Variants in CNTN5 observed in about 807,000 individuals in gnomAD.
The protein encoded by CNTN5 is contactin-5.
CNTN5 carries 77 observed loss-of-function variants against 129.1 expected under a neutral mutation model. That is an observed-to-expected ratio of 0.60 (90% confidence interval 0.50 to 0.72). The LOEUF (loss-of-function observed/expected upper bound fraction) is 0.72. Among genes scored for constraint, CNTN5 ranks in the 30% least tolerant of loss-of-function variants. The pLI, the probability that CNTN5 is intolerant of heterozygous loss-of-function variation, is 0.00. For missense variants in CNTN5, 1,478 were observed against 1,328.8 expected (o/e 1.11, Z -1.75); for synonymous variants, 509 against 465.6 (o/e 1.09, Z -1.20).
At chr11:99,036,261 C>G (rs1359657313) in intron 1 of CNTN5, among the ~76,000 whole-genome samples, 1 of 151,990 alleles carries the variant, frequency 6.6e-6, no homozygotes, top group African/African-American at 2.4e-5. Flanking sequence ...TATAACTTGT[C>G]CGGTTTAGAC....
chr11:99,636,816 C>A (rs1951574664), intron 3 of CNTN5, among the ~76,000 whole-genome samples: 1 of 151,424 alleles, frequency 6.6e-6, no homozygotes, highest in Admixed American at 6.6e-5. Flanking sequence ...GAGATCAGGA[C>A]GATCCTGGCC....
At chr11:99,038,060 C>G (rs1863830471) in intron 1 of CNTN5, among the ~76,000 whole-genome samples, 2 of 151,806 alleles carry the variant, frequency 1.3e-5, no homozygotes, top group African/African-American at 2.4e-5. Context: ...TAATATAATG[C>G]TTTAAAGAGG....
At chr11:99,847,083 T>C (rs1195294373) in intron 6 of CNTN5, among the ~76,000 whole-genome samples, 3 of 152,220 alleles carry the variant, frequency 2.0e-5, no homozygotes, top group Admixed American at 2.0e-4. Flanking sequence ...AAATATGCTA[T>C]ACAAATATTA....
At chr11:100,189,268 A>G (rs939341414) in intron 13 of CNTN5, among the ~76,000 whole-genome samples, 16 of 85,524 alleles carry the variant, frequency 1.9e-4, no homozygotes, top group Admixed American at 4.3e-4. Flanking sequence ...AGTTGAATTA[A>G]AAAAAAAAAA....
At chr11:99,750,974 CAATT>C (rs1565489297) in intron 3 of CNTN5, among the ~76,000 whole-genome samples, 1 of 152,120 alleles carries the variant, frequency 6.6e-6, no homozygotes, top group African/African-American at 2.4e-5. Flanking sequence ...CGTGGTCTTT[CAATT>C]AATTAACCAA....
At chr11:99,736,565 C>G (rs1943717728) in intron 3 of CNTN5, among the ~76,000 whole-genome samples, 1 of 152,134 alleles carries the variant, frequency 6.6e-6, no homozygotes, top group Admixed American at 6.5e-5. Context: ...ATCTCTGTAA[C>G]ATATAGTTTT....
intron 1 of CNTN5, among the ~76,000 whole-genome samples, chr11:99,034,752 T>C (rs1863619389): frequency 6.6e-6 from 1 of 152,184 alleles, no homozygotes; most frequent in Admixed American, 6.6e-5. Flanking sequence ...TGAAGGGTTT[T>C]TTGCATCTCT....
chr11:99,750,680 A>T (rs1029918928), intron 3 of CNTN5, among the ~76,000 whole-genome samples: 1 of 152,180 alleles, frequency 6.6e-6, no homozygotes. Context: ...TCCTTAAGAG[A>T]CAGAAGAATT....
At chr11:99,879,218 G>A (rs572679327) in intron 6 of CNTN5, among the ~76,000 whole-genome samples, 4 of 152,210 alleles carry the variant, frequency 2.6e-5, no homozygotes, top group East Asian at 1.9e-4. Context: ...GATTACAGGC[G>A]TGATCCACCG....
Position 99,747,460 on chromosome 11 carries a change from C to CTTTTTT in CNTN5, c.56-72066_56-72061dup, listed in dbSNP as rs55790126. 1.9e-4 allele frequency among the ~76,000 whole-genome samples: 16 copies of CTTTTTT among 85,748 alleles called. 1 individual carries two copies. Among genetic ancestry groups the CTTTTTT allele is most frequent in the South Asian group, 4.5e-4 (1 of 2,244 alleles). The allele number at this position is 85,748 out of a possible 152,430, so 56.3% of individuals were successfully genotyped here. A position where few individuals can be genotyped will look rare whatever the true frequency, so the allele number is the denominator to read the frequency against. On this transcript the variant is annotated intron_variant, in intron 3 of 24. Transcript: ENST00000524871. ...ACTATATTGAATAGAAGTCAGCATC[C>CTTTTTT]TTTTTTTTTTTTTTTTTTTTTTTGA... is the stretch of plus-strand genomic sequence containing the variant.
chr11:99,615,757 GT>G (rs556850074), intron 3 of CNTN5, among the ~76,000 whole-genome samples: 58 of 145,392 alleles, frequency 4.0e-4, no homozygotes, highest in Admixed American at 9.6e-4. Flanking sequence ...TACACATCTT[GT>G]TTTTTTTTTT....
At chr11:99,565,773 C>A (rs561981772) in intron 3 of CNTN5, among the ~76,000 whole-genome samples, 1 of 152,096 alleles carries the variant, frequency 6.6e-6, no homozygotes, top group Non-Finnish European at 1.5e-5. Flanking sequence ...GATTTCCCCC[C>A]ATGCATGTTA....
intron 1 of CNTN5, among the ~76,000 whole-genome samples, chr11:99,136,752 T>C (rs144081378): frequency 9.2e-4 from 132 of 143,622 alleles, no homozygotes; most frequent in African/African-American, 3.0e-3. Context: ...ACTACACAGA[T>C]GGACGGAAGA....
At chr11:99,041,462 C>T (rs1378704242) in intron 1 of CNTN5, among the ~76,000 whole-genome samples, 2 of 152,156 alleles carry the variant, frequency 1.3e-5, no homozygotes, top group East Asian at 3.9e-4. Context: ...GCCTTACTTT[C>T]CTCCTCTGTG....
At chr11:99,212,219 C>T (rs1357452096) in intron 1 of CNTN5, among the ~76,000 whole-genome samples, 2 of 152,114 alleles carry the variant, frequency 1.3e-5, no homozygotes, top group African/African-American at 4.8e-5. Flanking sequence ...GATCACATCA[C>T]CATTTTACAT....
intron 13 of CNTN5, among the ~76,000 whole-genome samples, chr11:100,120,727 C>A (rs1027526676): frequency 6.6e-5 from 10 of 151,662 alleles, no homozygotes; most frequent in African/African-American, 2.4e-4. Context: ...ATTTTTACAC[C>A]ATTTTTGATA....
At chr11:99,787,978 G>A (rs1366323373) in intron 3 of CNTN5, among the ~76,000 whole-genome samples, 8 of 151,790 alleles carry the variant, frequency 5.3e-5, no homozygotes, top group Non-Finnish European at 1.2e-4. Context: ...AATTAAGAAT[G>A]GTGTGTAAAT....
At chr11:100,286,091 G>C (rs1405973073) in intron 18 of CNTN5, among the ~76,000 whole-genome samples, 1 of 152,248 alleles carries the variant, frequency 6.6e-6, no homozygotes, top group Non-Finnish European at 1.5e-5. Context: ...CCCGCACCTG[G>C]CTGGGAGGGT....
intron 3 of CNTN5, among the ~76,000 whole-genome samples, chr11:99,781,764 C>CA (rs934311103): frequency 3.9e-5 from 6 of 152,122 alleles, no homozygotes; most frequent in African/African-American, 1.4e-4. Flanking sequence ...AGGCCTTTGA[C>CA]AAAATTCAAC....
Sources: gnomAD v4.1 joint callset for allele counts (sites outside exome capture counted in the v4.1 genomes callset) on GRCh38, gnomAD v4.1.1 for gene constraint, MANE v1.5 for transcripts, NCBI Gene and HGNC (gene_info 2026-07-23, HGNC 2026-07-21) for gene names.